IQCK: variants seen among roughly 807,000 people sequenced by gnomAD.
IQCK encodes the protein IQ domain-containing protein K.
IQCK carries 29 observed loss-of-function variants against 28.1 expected under a neutral mutation model. The observed-to-expected ratio is 1.03, with a 90% CI of 0.77 to 1.41. The LOEUF (loss-of-function observed/expected upper bound fraction) is 1.41. Among genes scored for constraint, IQCK ranks in the 40% most tolerant of loss-of-function variants. The pLI is 0.00. For synonymous variants in IQCK, 113 were observed against 115.1 expected (o/e 0.98, Z 0.12); for missense variants, 359 against 314.7 (o/e 1.14, Z -1.07).
At chr16:19,730,906 T>C (rs535772618) in intron 2 of IQCK, among the ~76,000 whole-genome samples, 1 of 152,304 alleles carries the variant, frequency 6.6e-6, no homozygotes, top group East Asian at 1.9e-4. Context: ...GGATTTTTTG[T>C]CGAGACGGGG....
rs763071601 is a variant in IQCK, at chr16:19,825,444, C to T, written c.691-1582C>T. ...CTGAGGCAGGAGAATTGCTTGAACC[C>T]GGGAAGTGGAGGTTGCAGTGAGCTG... On this transcript the variant is annotated intron_variant, in intron 7 of 7. Transcript: ENST00000564186. The surrounding 1 kb of genome is among the most constrained non-coding windows in gnomAD (Gnocchi z 4.2). 1.0e-3 allele frequency among the ~76,000 whole-genome samples: 155 copies of T among 152,034 alleles called. No individual in the cohort carries two copies. Among genetic ancestry groups the T allele is most frequent in the Non-Finnish European group, 1.9e-3 (128 of 67,994 alleles).
intron 7 of IQCK, among the ~76,000 whole-genome samples, chr16:19,815,886 A>G (rs1210836917): frequency 1.3e-5 from 2 of 152,194 alleles, no homozygotes; most frequent in Admixed American, 1.3e-4. Flanking sequence ...TACTTCCTTT[A>G]TGTTGAAATC....
chr16:19,817,987 T>A (rs2056011833), intron 7 of IQCK, among the ~76,000 whole-genome samples: 1 of 152,212 alleles, frequency 6.6e-6, no homozygotes, highest in Non-Finnish European at 1.5e-5. Context: ...TTTATTCTCA[T>A]GAAGGTTATC....
chr16:19,725,180 A>G (rs1277679327), intron 1 of IQCK, among the ~76,000 whole-genome samples: 1 of 152,148 alleles, frequency 6.6e-6, no homozygotes, highest in Non-Finnish European at 1.5e-5. Context: ...TATACATTTA[A>G]TATACCTGAT....
At chr16:19,804,569 C>G (rs934763658) in intron 7 of IQCK, among the ~76,000 whole-genome samples, 2 of 151,894 alleles carry the variant, frequency 1.3e-5, no homozygotes, top group Admixed American at 6.6e-5. Flanking sequence ...TCCCAAGTAG[C>G]TGGGACCACA....
At chr16:19,843,501 C>T (rs761273894) in intron 9 of IQCK, among the ~76,000 whole-genome samples, 2 of 152,238 alleles carry the variant, frequency 1.3e-5, no homozygotes, top group Admixed American at 6.5e-5. Flanking sequence ...TTTCACTCAG[C>T]ACAATGTTTG....
rs181092397 is a variant in IQCK, at chr16:19,790,489, C to T, written c.690+1567C>T. Among the ~76,000 whole-genome samples the T allele has an allele frequency of 1.1e-3, 129 of 113,460 alleles. 20 individuals carry two copies. The highest frequency in any genetic ancestry group is 3.6e-3 in the South Asian group (14 of 3,892). The allele number at this position is 113,460 out of a possible 152,430, so 74.4% of individuals were successfully genotyped here. ...GCAAACACTGCCAGAGGGAAAGGTCCCAGTGGATTTCCATAGAGGCCAAAG... is the reference window on the plus strand; with the variant it reads ...GCAAACACTGCCAGAGGGAAAGGTCTCAGTGGATTTCCATAGAGGCCAAAG... On this transcript the variant is annotated intron_variant, in intron 7 of 7. Coordinates refer to ENST00000564186, the Ensembl canonical transcript of IQCK.
intron 7 of IQCK, among the ~76,000 whole-genome samples, chr16:19,823,831 G>A (rs1189006496): frequency 6.6e-6 from 1 of 152,164 alleles, no homozygotes; most frequent in Non-Finnish European, 1.5e-5. Context: ...TACTCGTGAG[G>A]CTGAGGCAGC....
intron 9 of IQCK, among the ~76,000 whole-genome samples, chr16:19,841,219 T>G (rs1439336289): frequency 1.3e-5 from 2 of 152,202 alleles, no homozygotes; most frequent in South Asian, 2.1e-4. Flanking sequence ...CTGTCACTGG[T>G]AATACTTTGG....
intron 4 of IQCK, among the ~76,000 whole-genome samples, chr16:19,747,626 C>T (rs957769410): frequency 1.3e-5 from 2 of 152,006 alleles, no homozygotes; most frequent in East Asian, 3.8e-4. Context: ...AGTTTGTCAT[C>T]ATCACCCTCC....
downstream of IQCK, chr16:19,827,192 TC>T: frequency 7.7e-7 from 1 of 1,298,852 alleles, no homozygotes; most frequent in Non-Finnish European, 1.1e-6. Flanking sequence ...TGATTCTTAT[TC>T]CAGGCTCAAG....
exon 10 of IQCK, chr16:19,858,460 A>T (rs1169147510): frequency 1.5e-6 from 1 of 676,812 alleles, no homozygotes; most frequent in Non-Finnish European, 2.7e-6. Flanking sequence ...AAGAACTTAG[A>T]AAACGAACGT....
chr16:19,750,930 G>A (rs2054978295), intron 4 of IQCK, among the ~76,000 whole-genome samples: 1 of 152,148 alleles, frequency 6.6e-6, no homozygotes, highest in Admixed American at 6.5e-5. Context: ...TTTAGGGGGA[G>A]TTGAATGGTA....
chr16:19,838,205 A>T (rs1438021095), intron 9 of IQCK, among the ~76,000 whole-genome samples: 1 of 152,190 alleles, frequency 6.6e-6, no homozygotes, highest in Non-Finnish European at 1.5e-5. Context: ...TGAAGGCAAG[A>T]ACAATAGATG....
At chr16:19,718,570 T>C (rs1328143832) in intron 1 of IQCK, 83 bp downstream of exon 1, 2 of 1,279,586 alleles carry the variant, frequency 1.6e-6, no homozygotes, top group East Asian at 3.0e-5. Context: ...ACTGTGCGCC[T>C]GTCGGCTGAC....
intron 7 of IQCK, among the ~76,000 whole-genome samples, chr16:19,824,944 A>T (rs2056126608): frequency 6.6e-6 from 1 of 152,166 alleles, no homozygotes; most frequent in South Asian, 2.1e-4. Flanking sequence ...CGTCCTTCAA[A>T]ACAGCCCAGG....
intron 6 of IQCK, among the ~76,000 whole-genome samples, chr16:19,770,600 G>C (rs2055306972): frequency 8.0e-6 from 1 of 125,222 alleles, no homozygotes; most frequent in South Asian, 2.6e-4. Flanking sequence ...CTCTTTCTTA[G>C]TCATATCTCT....
intron 6 of IQCK, among the ~76,000 whole-genome samples, chr16:19,781,376 G>T (rs1270897046): frequency 6.6e-6 from 1 of 152,164 alleles, no homozygotes; most frequent in Non-Finnish European, 1.5e-5. Context: ...GGTTAAATGG[G>T]ACTCAGCTCT....
At position 19,728,617 on chromosome 16, in the gene IQCK, C is replaced by G. The variant is rs139974872; in HGVS notation, c.182-1813C>G. On this transcript the variant is annotated intron_variant, in intron 1 of 7. Coordinates refer to ENST00000564186, the Ensembl canonical transcript of IQCK. ...CAATGAGCTTGGAAAAGTATCCCAA[C>G]CCTCAGAGAAGATCACAGCTTTGGC... Among the ~76,000 whole-genome samples the G allele has an allele frequency of 1.9e-3, 296 of 152,278 alleles. 2 individuals are homozygous for G. The highest frequency in any genetic ancestry group is 6.3e-3 in the African/African-American group (261 of 41,542).
Sources: gnomAD v4.1 joint callset for allele counts (sites outside exome capture counted in the v4.1 genomes callset) on GRCh38, gnomAD v4.1.1 for gene constraint, Gnocchi (gnomAD v3.1) non-coding constraint, MANE v1.5 for transcripts, NCBI Gene and HGNC (gene_info 2026-07-23, HGNC 2026-07-21) for gene names.